The following DENND4C variants were observed in gnomAD, a reference collection of about 807,000 sequenced individuals.
The protein encoded by DENND4C is DENN domain containing 4C, also known as DENN domain-containing protein 4C.
A neutral mutation model predicts 203.0 loss-of-function variants in DENND4C; 108 were observed. That is an observed-to-expected ratio of 0.53 (90% CI 0.46 to 0.62). DENND4C has a LOEUF of 0.62. DENND4C is among the 20% of genes least tolerant of loss of function. The pLI is 0.00. For missense variants in DENND4C, 2,481 were observed against 2,301.2 expected (o/e 1.08, Z -1.60); for synonymous variants, 871 against 792.4 (o/e 1.10, Z -1.67).
chr9:19,333,440 G>T (rs998299172), intron 17 of DENND4C, among the ~76,000 whole-genome samples: 14 of 152,108 alleles, frequency 9.2e-5, no homozygotes, highest in Admixed American at 9.2e-4. Flanking sequence ...TGTACATTGT[G>T]TAGGATGTTT....
chr9:19,372,825 A>T lies in DENND4C; in HGVS notation c.*652A>T. 1 of 147,750 alleles carries T rather than the reference A, an allele frequency of 6.8e-6. No homozygotes were observed. The highest frequency in any genetic ancestry group is 1.5e-5 in the Non-Finnish European group (1 of 67,550). The allele number at this position is 147,750 out of a possible 1,614,324, so 9.2% of individuals were successfully genotyped here. On this transcript the variant is annotated 3_prime_UTR_variant, in exon 33 of 33. Coordinates refer to ENST00000434457, the MANE Select transcript of DENND4C (RefSeq NM_001330640.2). ...CAGTGAGTGGAGATCACGCCACTGC[A>T]ACTCCAGCTTGGGTGACAGAGTGAG...
chr9:19,366,624 A>G (rs1025161751), intron 30 of DENND4C, among the ~76,000 whole-genome samples: 1 of 152,208 alleles, frequency 6.6e-6, no homozygotes, highest in African/African-American at 2.4e-5. Flanking sequence ...AGTCTTTTCA[A>G]CACGTGCTGG....
At chr9:19,238,343 A>C (rs1822564861) in intron 1 of DENND4C, among the ~76,000 whole-genome samples, 2 of 151,510 alleles carry the variant, frequency 1.3e-5, no homozygotes, top group Admixed American at 1.3e-4. Flanking sequence ...TGGCCTCCCA[A>C]AGTGCTGAGA....
intron 16 of DENND4C, among the ~76,000 whole-genome samples, chr9:19,328,657 G>GTCTGTCTGTCTGTCTA (rs1456677474): frequency 4.7e-4 from 56 of 119,376 alleles, no homozygotes; most frequent in African/African-American, 2.0e-3. Context: ...CTGTCTGTCT[G>GTCTGTCTGTCTGTCTA]TCTATCTATC....
intron 1 of DENND4C, among the ~76,000 whole-genome samples, chr9:19,238,461 C>A (rs1260188517): frequency 1.9e-5 from 1 of 52,976 alleles, no homozygotes; most frequent in African/African-American, 8.3e-5. Flanking sequence ...CCCCTCCCCT[C>A]CCCTCCCTCT....
intron 1 of DENND4C, among the ~76,000 whole-genome samples, chr9:19,241,409 C>T (rs1036087919): frequency 2.0e-5 from 3 of 151,700 alleles, no homozygotes; most frequent in East Asian, 3.9e-4. Context: ...GATAGAGTCT[C>T]GCTATGTTGC....
chr9:19,360,456 C>T lies in DENND4C; in HGVS notation c.5373C>T (p.Ile1791=). The T allele has an allele frequency of 1.2e-6, 2 of 1,614,074 alleles. No homozygotes were observed. The highest frequency in any genetic ancestry group is 4.5e-5 in the East Asian group (2 of 44,868). The change falls in exon 29 of 33, where the codon ATC becomes ATT. Residue 1791 remains isoleucine, a synonymous_variant. Transcript: ENST00000434457. ...TTCCTAGTAACTTGCCAGGACTTAT[C>T]CTCACATCTGAACATTGTAATGAAG... The part of the protein sequence containing the change: ...LDLPSNLPGL[I]LTSEHCNEGV...
At chr9:19,333,830 A>G (rs1819819173) in intron 17 of DENND4C, among the ~76,000 whole-genome samples, 1 of 152,200 alleles carries the variant, frequency 6.6e-6, no homozygotes, top group African/African-American at 2.4e-5. Context: ...AGATAACTAT[A>G]AATGATGTTT....
intron 1 of DENND4C, among the ~76,000 whole-genome samples, chr9:19,262,177 C>T (rs1247160719): frequency 7.0e-6 from 1 of 142,164 alleles, no homozygotes; most frequent in Non-Finnish European, 1.5e-5. Flanking sequence ...ACCTCCACCT[C>T]CTGAGTTCAG....
chr9:19,281,106 A>G (rs1833964325), intron 2 of DENND4C, among the ~76,000 whole-genome samples: 1 of 152,176 alleles, frequency 6.6e-6, no homozygotes, highest in African/African-American at 2.4e-5. Context: ...GTCATGACTG[A>G]AAGATGTGAA....
At chr9:19,303,351 G>A (rs1246311916) in intron 9 of DENND4C, among the ~76,000 whole-genome samples, 3 of 151,912 alleles carry the variant, frequency 2.0e-5, no homozygotes, top group African/African-American at 7.3e-5. Flanking sequence ...AATGGTGGCC[G>A]AATCCTGCCT....
At chr9:19,287,470 C>G (rs879482946) in intron 3 of DENND4C, among the ~76,000 whole-genome samples, 1 of 151,868 alleles carries the variant, frequency 6.6e-6, no homozygotes, top group South Asian at 2.1e-4. Context: ...CTTGACCCCC[C>G]ACCAGGCTCA....
intron 6 of DENND4C, 102 bp downstream of exon 6, chr9:19,296,348 C>A: frequency 3.7e-6 from 3 of 820,772 alleles, no homozygotes; most frequent in Non-Finnish European, 5.8e-6. Context: ...GGGAAGGAAG[C>A]CTGCATTTAA....
At chr9:19,255,166 G>T (rs1003578011) in intron 1 of DENND4C, among the ~76,000 whole-genome samples, 2 of 152,064 alleles carry the variant, frequency 1.3e-5, no homozygotes, top group African/African-American at 4.8e-5. Context: ...GGCTCAGGAG[G>T]TGGAGGCTGG....
At chr9:19,304,159 C>G (rs1361350344) in intron 9 of DENND4C, among the ~76,000 whole-genome samples, 2 of 144,978 alleles carry the variant, frequency 1.4e-5, no homozygotes, top group Non-Finnish European at 3.0e-5. Context: ...TCTGTCTTAT[C>G]ATGTCTAGAT....
chr9:19,253,531 A>T (rs113904233), intron 1 of DENND4C, among the ~76,000 whole-genome samples: 110 of 152,346 alleles, frequency 7.2e-4, no homozygotes, highest in African/African-American at 2.6e-3. Flanking sequence ...AATGGTAGTT[A>T]CCAAGCCCCT....
At chr9:19,327,185 GACAA>G (rs1292024320) in intron 15 of DENND4C, among the ~76,000 whole-genome samples, 1 of 151,952 alleles carries the variant, frequency 6.6e-6, no homozygotes, top group African/African-American at 2.4e-5. Context: ...TCCAGATATT[GACAA>G]ACAAGATAAA....
In DENND4C at chr9:19,238,140, T is replaced by C. The variant is rs1168864849; in HGVS notation, c.-18+7307T>C. ...TCGTGTTGCCCAGGCTGGAGTGCAA[T>C]GGCGTGATCTCAGCTCACCGCAACC... On this transcript the variant is annotated intron_variant, in intron 1 of 32. Transcript: ENST00000434457. 1.1e-4 allele frequency among the ~76,000 whole-genome samples: 16 copies of C among 151,384 alleles called. No homozygotes were observed. The East Asian group carries it at 3.1e-3, about 30-fold the overall frequency.
intron 1 of DENND4C, among the ~76,000 whole-genome samples, chr9:19,237,599 C>A (rs139122191): frequency 0.02 from 3,041 of 152,212 alleles, 114 homozygotes; most frequent in African/African-American, 0.069. Context: ...CTTTGTGATC[C>A]GCCCGCCTCG....
Sources: gnomAD v4.1 joint callset for allele counts (sites outside exome capture counted in the v4.1 genomes callset) on GRCh38, gnomAD v4.1.1 for gene constraint, MANE v1.5 for transcripts, NCBI Gene and HGNC (gene_info 2026-07-23, HGNC 2026-07-21) for gene names.